Variants in SNTG1 observed in about 807,000 individuals in gnomAD.
SNTG1 encodes gamma-1-syntrophin.
In SNTG1, 39 loss-of-function variants were observed where a neutral mutation model predicts 74.7. The observed-to-expected ratio is 0.52, with a 90% confidence interval of 0.40 to 0.68. SNTG1 has a LOEUF of 0.68. Ranked by LOEUF, SNTG1 falls within the 30% of genes least tolerant of loss-of-function variation. The pLI is 0.00. For synonymous variants in SNTG1, 254 were observed against 217.1 expected (o/e 1.17, Z -1.49); for missense variants, 685 against 609.5 (o/e 1.12, Z -1.30).
chr8:49,962,356 T>A (rs760349638), intron 1 of SNTG1, among the ~76,000 whole-genome samples: 1 of 151,444 alleles, frequency 6.6e-6, no homozygotes, highest in Non-Finnish European at 1.5e-5. Flanking sequence ...GATGCTGCAG[T>A]TCAAATGGCA....
intron 12 of SNTG1, among the ~76,000 whole-genome samples, chr8:50,557,916 G>A (rs991303667): frequency 6.6e-6 from 1 of 152,168 alleles, no homozygotes; most frequent in Non-Finnish European, 1.5e-5. Context: ...TGCATTGCTT[G>A]GGGTGGGCCC....
At chr8:50,553,774 C>A (rs189604067) in intron 12 of SNTG1, among the ~76,000 whole-genome samples, 4 of 152,214 alleles carry the variant, frequency 2.6e-5, no homozygotes, top group Admixed American at 1.3e-4. Context: ...CTAAATAATT[C>A]TTTCCCCCGT....
intron 2 of SNTG1, among the ~76,000 whole-genome samples, chr8:50,288,698 A>G (rs967253405): frequency 5.9e-5 from 9 of 151,446 alleles, no homozygotes; most frequent in Non-Finnish European, 7.4e-5. Context: ...GGTCATCTGG[A>G]AAAAAAAAGG....
chr8:50,418,026 C>G (rs1258362927), intron 4 of SNTG1, among the ~76,000 whole-genome samples: 1 of 152,052 alleles, frequency 6.6e-6, no homozygotes, highest in Non-Finnish European at 1.5e-5. Flanking sequence ...TCTGATCATT[C>G]CAACCAAGCA....
chr8:50,214,577 T>C (rs1005594397), intron 2 of SNTG1, among the ~76,000 whole-genome samples: 6 of 152,086 alleles, frequency 3.9e-5, no homozygotes, highest in African/African-American at 9.7e-5. Flanking sequence ...ACTTGGAAAA[T>C]TGGGGTCAAG....
intron 1 of SNTG1, among the ~76,000 whole-genome samples, chr8:50,075,150 C>T (rs1453728491): frequency 1.3e-5 from 2 of 152,194 alleles, no homozygotes; most frequent in East Asian, 1.9e-4. Flanking sequence ...CTCCGCCTCC[C>T]CCCTGTGGGC....
chr8:50,192,847 C>A (rs912863262), intron 2 of SNTG1, among the ~76,000 whole-genome samples: 2 of 152,028 alleles, frequency 1.3e-5, no homozygotes, highest in Non-Finnish European at 2.9e-5. Flanking sequence ...GATGAGGATC[C>A]AGTTTCCTTC....
intron 2 of SNTG1, among the ~76,000 whole-genome samples, chr8:50,352,410 G>A (rs569264116): frequency 1.8e-4 from 27 of 150,250 alleles, no homozygotes; most frequent in Admixed American, 6.0e-4. Context: ...TTTTTTTTTG[G>A]ACGTAGTTTC....
chr8:50,465,407 G>C lies in SNTG1; in HGVS notation c.363+14678G>C, dbSNP rs192746134. On this transcript the variant is annotated intron_variant, in intron 8 of 18. Coordinates refer to ENST00000642720, the MANE Select transcript of SNTG1 (RefSeq NM_018967.5). Reference sequence around the variant, plus strand: ...ATTTGTAACACAATAAGATTCTCTTGTCACATTCTGCATTTTGTCATATCT... The same window carrying C: ...ATTTGTAACACAATAAGATTCTCTTCTCACATTCTGCATTTTGTCATATCT... 3.4e-4 allele frequency among the ~76,000 whole-genome samples: 51 copies of C among 152,228 alleles called. 1 individual carries two copies. Among genetic ancestry groups the C allele is most frequent in the African/African-American group, 1.2e-3 (50 of 41,548 alleles).
intron 1 of SNTG1, among the ~76,000 whole-genome samples, chr8:50,147,210 A>G (rs1463878242): frequency 6.6e-6 from 1 of 152,210 alleles, no homozygotes; most frequent in Non-Finnish European, 1.5e-5. Flanking sequence ...ATTTGAAAAC[A>G]GGTCATTTAA....
chr8:50,158,802 C>A (rs1394324090), intron 1 of SNTG1, among the ~76,000 whole-genome samples: 1 of 152,122 alleles, frequency 6.6e-6, no homozygotes, highest in Non-Finnish European at 1.5e-5. Flanking sequence ...CCTTGATGCA[C>A]ATGTGTAAGA....
At chr8:50,603,212 A>G (rs768050243) in intron 13 of SNTG1, among the ~76,000 whole-genome samples, 2 of 151,764 alleles carry the variant, frequency 1.3e-5, no homozygotes, top group Middle Eastern at 3.2e-3. Flanking sequence ...TTGTTTTTCC[A>G]TTGTCTCTTC....
chr8:50,277,992 G>C (rs988384695), intron 2 of SNTG1, among the ~76,000 whole-genome samples: 1 of 152,090 alleles, frequency 6.6e-6, no homozygotes, highest in African/African-American at 2.4e-5. Flanking sequence ...TGGACAACAT[G>C]GTGAAACCCA....
At chr8:50,505,757 G>A (rs187393214) in intron 9 of SNTG1, among the ~76,000 whole-genome samples, 5 of 152,118 alleles carry the variant, frequency 3.3e-5, no homozygotes, top group South Asian at 2.1e-4. Flanking sequence ...GGCTATTAAC[G>A]TATTACCAGA....
chr8:50,696,997 G>A (rs1585566622), intron 15 of SNTG1, among the ~76,000 whole-genome samples: 1 of 152,018 alleles, frequency 6.6e-6, no homozygotes, highest in Non-Finnish European at 1.5e-5. Flanking sequence ...TTGGTACTTT[G>A]ATAGACATTG....
At chr8:50,047,642 C>T (rs1819209778) in intron 1 of SNTG1, among the ~76,000 whole-genome samples, 1 of 152,136 alleles carries the variant, frequency 6.6e-6, no homozygotes, top group African/African-American at 2.4e-5. Flanking sequence ...AACAAAATAA[C>T]TGTCATTAAG....
intron 15 of SNTG1, among the ~76,000 whole-genome samples, chr8:50,680,707 A>G (rs1001527356): frequency 6.6e-6 from 1 of 152,066 alleles, no homozygotes; most frequent in Non-Finnish European, 1.5e-5. Flanking sequence ...AATCTGACCA[A>G]TGGTCCTCAA....
chr8:49,977,955 G>A (rs953809340), intron 1 of SNTG1, among the ~76,000 whole-genome samples: 4 of 152,282 alleles, frequency 2.6e-5, no homozygotes, highest in South Asian at 4.1e-4. Flanking sequence ...GATATCCTTG[G>A]AGCCTCAGTT....
intron 2 of SNTG1, among the ~76,000 whole-genome samples, chr8:50,337,911 C>A (rs1246431823): frequency 1.3e-5 from 2 of 152,062 alleles, no homozygotes; most frequent in South Asian, 4.1e-4. Flanking sequence ...CCAAGGCGGG[C>A]GGATCATGAG....
Sources: allele counts gnomAD v4.1 joint callset (sites outside exome capture counted in the v4.1 genomes callset), GRCh38; gene constraint gnomAD v4.1.1; transcripts MANE v1.5; gene names NCBI Gene and HGNC (gene_info 2026-07-23, HGNC 2026-07-21).